The following TRIM51 variants were observed in gnomAD, a reference collection of about 807,000 sequenced individuals.
TRIM51 encodes the protein tripartite motif-containing protein 51.
TRIM51 carries 23 observed loss-of-function variants against 32.7 expected under a neutral mutation model. The ratio of observed to expected loss-of-function variants is 0.70; its 90% CI spans 0.51 to 1.00. The LOEUF is 1.00. Ranked by LOEUF, TRIM51 falls within the 50% of genes least tolerant of loss-of-function variation. The pLI, the probability that TRIM51 is intolerant of heterozygous loss-of-function variation, is 0.00. For synonymous variants in TRIM51, 177 were observed against 181.9 expected (o/e 0.97, Z 0.22); for missense variants, 592 against 539.2 (o/e 1.10, Z -0.97).
Position 55,891,714 on chromosome 11 carries a change from C to G in TRIM51, c.*82C>G. The G allele has an allele frequency of 6.8e-7, 1 of 1,478,090 alleles. No individual in the cohort carries two copies. The highest frequency in any genetic ancestry group is 9.3e-7 in the Non-Finnish European group (1 of 1,079,776). 91.6% of individuals were successfully genotyped at this position (1,478,090 alleles called of 1,614,324 possible). ...GCCCTCTTTTTCGCACCTCATCAAA[C>G]AGAACAAATAAGTTATATTTAATGT... is the stretch of plus-strand genomic sequence containing the variant. On this transcript the variant is annotated 3_prime_UTR_variant, in exon 7 of 7. Coordinates refer to ENST00000449290, the MANE Select transcript of TRIM51 (RefSeq NM_032681.4).
At chr11:55,889,866 T>TC (rs1854625259) in intron 5 of TRIM51, 76 bp from the exon 6 acceptor site, 1 of 1,001,674 alleles carries the variant, frequency 1.0e-6, no homozygotes, top group Non-Finnish European at 1.6e-6. Context: ...TCATGAAATG[T>TC]CTTTTAAATA....
intron 3 of TRIM51, among the ~76,000 whole-genome samples, chr11:55,887,097 T>G (rs1192244445): frequency 6.6e-6 from 1 of 151,892 alleles, no homozygotes; most frequent in Admixed American, 6.6e-5. Flanking sequence ...CTTTGGAGAA[T>G]AATCAAGCAG....
At chr11:55,885,893 A>C in intron 2 of TRIM51, 54 bp downstream of exon 2, 1 of 1,610,340 alleles carries the variant, frequency 6.2e-7, no homozygotes, top group South Asian at 1.1e-5. Context: ...AAATTCTTGT[A>C]AGTCTATTTC....
At chr11:55,884,281 T>A (rs1408035785) in intron 1 of TRIM51, among the ~76,000 whole-genome samples, 5 of 149,704 alleles carry the variant, frequency 3.3e-5, no homozygotes, top group African/African-American at 1.2e-4. Flanking sequence ...ATACCATAGG[T>A]GTGGTTTGTG....
chr11:55,885,310 G>A (rs1405939482), intron 1 of TRIM51, 115 bp from the exon 2 acceptor site: 1 of 1,074,776 alleles, frequency 9.3e-7, no homozygotes, highest in Admixed American at 2.1e-5. Context: ...GAAATAGTTT[G>A]TTCCGCTTTA....
At chr11:55,888,295 A>T in intron 4 of TRIM51, 33 bp downstream of exon 4, 3 of 1,505,282 alleles carry the variant, frequency 2.0e-6, no homozygotes, top group Non-Finnish European at 2.8e-6. Flanking sequence ...CATGATGTTG[A>T]ACATTCACAT....
chr11:55,886,093 C>T (rs747708107), intron 2 of TRIM51, 30 bp from the exon 3 acceptor site: 19 of 1,595,086 alleles, frequency 1.2e-5, no homozygotes, highest in Non-Finnish European at 6.9e-6. Flanking sequence ...ATTGTCCTCA[C>T]TTGTGCTTCA....
At position 55,885,548 on chromosome 11, in the gene TRIM51, C is replaced by A. The variant is rs769651831; in HGVS notation, c.120C>A (p.Tyr40Ter). 1.4e-5 allele frequency: 23 copies of A among 1,611,894 alleles called. No individual in the cohort carries two copies. Among genetic ancestry groups the A allele is most frequent in the Middle Eastern group, 2.2e-4 (1 of 4,604 alleles). Reference protein sequence around the residue: ...CGHSFCRPCLYLNWQDTAVLA... With the variant: ...CGHSFCRPCL The stretch of plus-strand genomic sequence containing the variant: ...ACAGCTTTTGCCGGCCCTGTTTGTA[C>A]CTCAACTGGCAAGACACGGCAGTTC... Residue 40 changes from tyrosine (Y) to a stop codon, truncating the protein, a stop_gained, in exon 2 of 7, where the codon TAC becomes TAA. Transcript: ENST00000449290. LOFTEE classifies it high-confidence loss of function.
intron 1 of TRIM51, among the ~76,000 whole-genome samples, chr11:55,883,741 T>G (rs1361551802): frequency 2.0e-5 from 3 of 152,160 alleles, no homozygotes; most frequent in Admixed American, 2.0e-4. Context: ...CTGTAAATGT[T>G]GTGCTTTCAT....
At chr11:55,887,922 T>C in intron 3 of TRIM51, 110 bp from the exon 4 acceptor site, 1 of 826,638 alleles carries the variant, frequency 1.2e-6, no homozygotes, top group South Asian at 1.6e-5. Flanking sequence ...AATCTGAGAA[T>C]TGACAAGATT....
intron 4 of TRIM51, 71 bp downstream of exon 4, chr11:55,888,333 C>A (rs1265621716): frequency 1.7e-5 from 19 of 1,114,048 alleles, no homozygotes; most frequent in Non-Finnish European, 1.9e-5. Context: ...CTCTCCTGAA[C>A]TCCGTCTCCC....
chr11:55,890,898 G>T (rs547454411), intron 6 of TRIM51, among the ~76,000 whole-genome samples: 1 of 151,926 alleles, frequency 6.6e-6, no homozygotes, highest in African/African-American at 2.4e-5. Flanking sequence ...TCTTATATTC[G>T]ACTCTCAATT....
At position 55,891,763 on chromosome 11, in the gene TRIM51, C is replaced by A. The variant is rs911002072; in HGVS notation, c.*131C>A. On this transcript the variant is annotated 3_prime_UTR_variant, in exon 7 of 7. Coordinates refer to ENST00000449290, the MANE Select transcript of TRIM51 (RefSeq NM_032681.4). ...GTCTTTAGTTGCATTCTAATGTCAT[C>A]AAAACTCATTTATAGTGTTTCTATT... 7 of 1,003,654 alleles carry A rather than the reference C, an allele frequency of 7.0e-6. No individual in the cohort carries two copies. The highest frequency in any genetic ancestry group is 6.5e-5 in the African/African-American group (4 of 61,590). The allele number at this position is 1,003,654 out of a possible 1,614,324, so 62.2% of individuals were successfully genotyped here. A position where few individuals can be genotyped will look rare whatever the true frequency, so the allele number is the denominator to read the frequency against.
Position 55,888,837 on chromosome 11 carries a change from A to C in TRIM51, c.739-142A>C, listed in dbSNP as rs1181878763. Reference sequence around the variant, plus strand: ...ATGATAGACTGGGATTGTCATGAGAAAAGAAACAGAAAATGCTTTCCAGGA... The same window carrying C: ...ATGATAGACTGGGATTGTCATGAGACAAGAAACAGAAAATGCTTTCCAGGA... On this transcript the variant is annotated intron_variant, in intron 4 of 6. Transcript: ENST00000449290. 3.8e-6 allele frequency: 3 copies of C among 783,020 alleles called. No individual in the cohort carries two copies. In the Admixed American group the frequency reaches 5.9e-5, roughly 15 times the overall value. 48.5% of individuals were successfully genotyped at this position (783,020 alleles called of 1,614,324 possible). A position where few individuals can be genotyped will look rare whatever the true frequency, so the allele number is the denominator to read the frequency against.
rs762511039 is a variant in TRIM51 at position 55,888,279 on chromosome 11, G to A, written c.738+17G>A. ...CTACTCCAGGTATGGACTGACCATG[G>A]GGTATCATGATGTTGAACATTCACA... On this transcript the variant is annotated intron_variant, in intron 4 of 6. Coordinates refer to ENST00000449290, the MANE Select transcript of TRIM51 (RefSeq NM_032681.4). 8 of 1,586,038 alleles carry A rather than the reference G, an allele frequency of 5.0e-6. No individual in the cohort carries two copies. The highest frequency in any genetic ancestry group is 2.0e-4 in the Middle Eastern group (1 of 4,980).
In TRIM51 at chr11:55,885,796, A is replaced by G; in HGVS notation, c.368A>G (p.Asn123Ser). 6.2e-7 allele frequency: 1 copy of G among 1,611,834 alleles called. No individual in the cohort carries two copies. The highest frequency in any genetic ancestry group is 1.1e-5 in the South Asian group (1 of 90,986). ...TGCTCCAACTCTCAGGAGCACCGGAATCACATACACTGTCCCATTGAGTGG... is the reference window on the plus strand; with the variant it reads ...TGCTCCAACTCTCAGGAGCACCGGAGTCACATACACTGTCCCATTGAGTGG... ...LPCSNSQEHR[N>S]HIHCPIEWAA... is the part of the protein sequence containing the mutation. Residue 123 changes from asparagine (N) to serine (S), a missense_variant, in exon 2 of 7, where the codon AAT becomes AGT. Coordinates refer to ENST00000449290, the MANE Select transcript of TRIM51 (RefSeq NM_032681.4).
Position 55,891,738 on chromosome 11 carries a change from G to A in TRIM51, c.*106G>A, listed in dbSNP as rs562633050. ...ACAGAACAAATAAGTTATATTTAAT[G>A]TCTTTAGTTGCATTCTAATGTCATC... On this transcript the variant is annotated 3_prime_UTR_variant, in exon 7 of 7. Transcript: ENST00000449290. 7.9e-7 allele frequency: 1 copy of A among 1,267,036 alleles called. No individual in the cohort carries two copies. Among genetic ancestry groups the A allele is most frequent in the South Asian group, 1.4e-5 (1 of 71,580 alleles). 78.5% of individuals were successfully genotyped at this position (1,267,036 alleles called of 1,614,324 possible).
Position 55,888,961 on chromosome 11 carries a change from A to G in TRIM51, c.739-18A>G, listed in dbSNP as rs565663681. On this transcript the variant is annotated intron_variant, in intron 4 of 6. Transcript: ENST00000449290. ...CTTGTGGAAAGCGCTAAGCCTTTCT[A>G]TTTTTTTTTTTTTACAGGCTTTTGG... The G allele has an allele frequency of 8.7e-6, 12 of 1,377,386 alleles. No homozygotes were observed. Among genetic ancestry groups the G allele is most frequent in the East Asian group, 5.0e-5 (2 of 39,836 alleles). 85.3% of individuals were successfully genotyped at this position (1,377,386 alleles called of 1,614,324 possible). A position where few individuals can be genotyped will look rare whatever the true frequency, so the allele number is the denominator to read the frequency against.
chr11:55,884,973 C>T (rs1041949927), intron 1 of TRIM51, among the ~76,000 whole-genome samples: 7 of 151,628 alleles, frequency 4.6e-5, no homozygotes, highest in Non-Finnish European at 8.8e-5. Context: ...GCCGGCTTCT[C>T]GGTCCCTCTC....
Sources: allele counts gnomAD v4.1 joint callset (sites outside exome capture counted in the v4.1 genomes callset), GRCh38; gene constraint gnomAD v4.1.1; transcripts MANE v1.5; gene names NCBI Gene and HGNC (gene_info 2026-07-23, HGNC 2026-07-21).